The following MTX2 variants were observed in gnomAD, a reference collection of about 807,000 sequenced individuals.
The protein encoded by MTX2 is metaxin-2.
In MTX2, 35 loss-of-function variants were observed where a neutral mutation model predicts 42.3. That is an observed-to-expected ratio of 0.83 (90% CI 0.63 to 1.10). MTX2 has a LOEUF of 1.10. Ranked by LOEUF, MTX2 falls within the 50% of genes least tolerant of loss-of-function variation. The pLI, the probability that MTX2 is intolerant of heterozygous loss-of-function variation, is 0.00. For synonymous variants in MTX2, 119 were observed against 100.9 expected (o/e 1.18, Z -1.08); for missense variants, 307 against 304.1 (o/e 1.01, Z -0.07).
At chr2:176,336,152 G>T (rs1684982227) in intron 9 of MTX2, among the ~76,000 whole-genome samples, 1 of 152,120 alleles carries the variant, frequency 6.6e-6, no homozygotes, top group African/African-American at 2.4e-5. Context: ...GTGGGACACA[G>T]TAATAATTAG....
intron 1 of MTX2, among the ~76,000 whole-genome samples, chr2:176,290,427 A>T (rs1693300996): frequency 6.6e-6 from 1 of 152,046 alleles, no homozygotes; most frequent in South Asian, 2.1e-4. Context: ...TCCTGCAAAA[A>T]CTTCAAATAA....
At chr2:176,329,945 A>G (rs891537031) in intron 8 of MTX2, among the ~76,000 whole-genome samples, 2 of 150,880 alleles carry the variant, frequency 1.3e-5, no homozygotes, top group Admixed American at 6.6e-5. Flanking sequence ...TTTTGCTACT[A>G]AAGTAGCAAA....
intron 3 of MTX2, among the ~76,000 whole-genome samples, chr2:176,308,194 A>G (rs190875455): frequency 6.6e-6 from 1 of 152,156 alleles, no homozygotes; most frequent in East Asian, 1.9e-4. Context: ...TATGTGATGG[A>G]TTACCTTTAT....
At chr2:176,311,000 C>T (rs1031421930) in intron 3 of MTX2, among the ~76,000 whole-genome samples, 1 of 152,166 alleles carries the variant, frequency 6.6e-6, no homozygotes, top group African/African-American at 2.4e-5. Flanking sequence ...GAATTTTTAG[C>T]TTTTCTGCTC....
At position 176,329,027 on chromosome 2, in the gene MTX2, T is replaced by C. The variant is rs146354646; in HGVS notation, c.417+115T>C. ...ATTGTGGTTTATACCATTAGTGATATAGTTTTTCACTTACTTTAATTTTGC... is the reference window on the plus strand; with the variant it reads ...ATTGTGGTTTATACCATTAGTGATACAGTTTTTCACTTACTTTAATTTTGC... On this transcript the variant is annotated intron_variant, in intron 7 of 9. Transcript: ENST00000249442. 128 of 998,042 alleles carry C rather than the reference T, an allele frequency of 1.3e-4. No individual in the cohort carries two copies. In the East Asian group the frequency reaches 1.5e-3, roughly 12 times the overall value. The allele number at this position is 998,042 out of a possible 1,614,324, so 61.8% of individuals were successfully genotyped here. A position where few individuals can be genotyped will look rare whatever the true frequency, so the allele number is the denominator to read the frequency against.
chr2:176,309,528 A>T (rs545941768), intron 3 of MTX2, among the ~76,000 whole-genome samples: 58 of 152,170 alleles, frequency 3.8e-4, no homozygotes, highest in African/African-American at 1.3e-3. Flanking sequence ...TGGGAGTCTA[A>T]GTCTCTTTGT....
chr2:176,278,481 G>A (rs1324088911), intron 1 of MTX2, among the ~76,000 whole-genome samples: 4 of 151,994 alleles, frequency 2.6e-5, no homozygotes, highest in Non-Finnish European at 5.9e-5. Flanking sequence ...TACTTAATGT[G>A]GTTTATTAAC....
At chr2:176,337,444 G>A (rs767935149) in intron 9 of MTX2, 49 bp from the exon 10 acceptor site, 2 of 1,472,572 alleles carry the variant, frequency 1.4e-6, no homozygotes, top group Admixed American at 2.1e-5. Context: ...GTTTTCTATT[G>A]TAAAAGTTAA....
chr2:176,297,817 G>GT (rs759385523), intron 2 of MTX2, 32 bp from the exon 3 acceptor site: 96 of 1,467,406 alleles, frequency 6.5e-5, no homozygotes, highest in Non-Finnish European at 8.9e-5. Flanking sequence ...ATTCTACTTG[G>GT]TTAACATTTA....
intron 9 of MTX2, among the ~76,000 whole-genome samples, chr2:176,333,687 A>G (rs1220031003): frequency 6.6e-6 from 1 of 151,678 alleles, no homozygotes; most frequent in African/African-American, 2.4e-5. Flanking sequence ...GACCAAATAT[A>G]TGATGATGGT....
chr2:176,335,876 A>G (rs935180539), intron 9 of MTX2, among the ~76,000 whole-genome samples: 1 of 152,122 alleles, frequency 6.6e-6, no homozygotes, highest in African/African-American at 2.4e-5. Context: ...AGGCATTTGA[A>G]TGTATGAATC....
intron 1 of MTX2, among the ~76,000 whole-genome samples, chr2:176,293,315 A>G (rs1693367661): frequency 6.6e-6 from 1 of 152,222 alleles, no homozygotes; most frequent in Admixed American, 6.5e-5. Flanking sequence ...ATTTGTTGCT[A>G]TGTCACAGAG....
At position 176,297,862 on chromosome 2, in the gene MTX2, A is replaced by G. The variant is rs1444548638; in HGVS notation, c.102A>G (p.Leu34=). The G allele has an allele frequency of 1.9e-6, 3 of 1,562,684 alleles. No homozygotes were observed. The highest frequency in any genetic ancestry group is 1.8e-5 in the Admixed American group (1 of 56,580). ...GTATTTCCACAGGGGAGCAAATTTTACTTTCTGACAATGCAGCTTCTCTTG... is the reference window on the plus strand; with the variant it reads ...GTATTTCCACAGGGGAGCAAATTTTGCTTTCTGACAATGCAGCTTCTCTTG... The part of the protein sequence containing the change: ...LYQQLKGEQI[L]LSDNAASLAV... Residue 34 remains leucine, a synonymous_variant, in exon 3 of 10, where the codon TTA becomes TTG. Transcript: ENST00000249442.
At chr2:176,333,178 A>G (rs1684901143) in intron 9 of MTX2, among the ~76,000 whole-genome samples, 1 of 151,594 alleles carries the variant, frequency 6.6e-6, no homozygotes, top group African/African-American at 2.4e-5. Flanking sequence ...AAATGCAATA[A>G]TATATGAAAC....
chr2:176,286,684 G>C (rs377057972), intron 1 of MTX2, among the ~76,000 whole-genome samples: 5 of 152,010 alleles, frequency 3.3e-5, no homozygotes, highest in African/African-American at 1.2e-4. Flanking sequence ...CAAGTAGCTG[G>C]GATTACAGGT....
chr2:176,321,663 A>G (rs1684585741), intron 3 of MTX2, among the ~76,000 whole-genome samples: 1 of 152,166 alleles, frequency 6.6e-6, no homozygotes, highest in Admixed American at 6.5e-5. Flanking sequence ...TCTAGTCAAC[A>G]GGGAGGAAAA....
At chr2:176,288,380 A>C (rs1011741865) in intron 1 of MTX2, among the ~76,000 whole-genome samples, 1 of 152,038 alleles carries the variant, frequency 6.6e-6, no homozygotes, top group Non-Finnish European at 1.5e-5. Flanking sequence ...TCAAATTAAC[A>C]AATTTCCTTC....
chr2:176,275,879 G>C (rs550570654), intron 1 of MTX2, among the ~76,000 whole-genome samples: 1 of 152,306 alleles, frequency 6.6e-6, no homozygotes, highest in East Asian at 1.9e-4. Context: ...AGAAGGGAGA[G>C]AGGTGTTGAG....
chr2:176,300,141 C>CAGAG (rs986017727), intron 3 of MTX2, among the ~76,000 whole-genome samples: 1 of 82,846 alleles, frequency 1.2e-5, no homozygotes, highest in African/African-American at 5.6e-5. Flanking sequence ...ACTAGAGAGA[C>CAGAG]AGAGAGAGAG....
Sources: allele counts gnomAD v4.1 joint callset (sites outside exome capture counted in the v4.1 genomes callset), GRCh38; gene constraint gnomAD v4.1.1; transcripts MANE v1.5; gene names NCBI Gene and HGNC (gene_info 2026-07-23, HGNC 2026-07-21).